The following AK8 variants were observed in gnomAD, a reference collection of about 807,000 sequenced individuals.
The protein encoded by AK8 is ATP-AMP transphosphorylase 8.
In AK8, 44 loss-of-function variants were observed where a neutral mutation model predicts 54.6. The observed-to-expected ratio is 0.81, with a 90% confidence interval of 0.63 to 1.04. AK8 has a LOEUF of 1.04. Ranked by LOEUF, AK8 falls within the 50% of genes least tolerant of loss-of-function variation. AK8 has a pLI of 0.00. For missense variants in AK8, 555 were observed against 613.6 expected, an observed-to-expected ratio of 0.90 and a Z score of 1.01; for synonymous variants, 239 against 245.6, an observed-to-expected ratio of 0.97 and a Z score of 0.25.
At chr9:132,796,770 TACACACACACACACACACACACACACAC>T (rs10590924) in intron 10 of AK8, among the ~76,000 whole-genome samples, 1 of 142,414 alleles carries the variant, frequency 7.0e-6, no homozygotes, top group South Asian at 2.3e-4. Flanking sequence ...ACATACATGC[TACACACACACACACACACACACACACAC>T]ACACACACAC....
intron 10 of AK8, among the ~76,000 whole-genome samples, chr9:132,804,795 C>G (rs1840639763): frequency 6.6e-6 from 1 of 152,150 alleles, no homozygotes; most frequent in African/African-American, 2.4e-5. Flanking sequence ...GAGCCAGCTT[C>G]TGGTTGACAA....
At position 132,861,189 on chromosome 9, in the gene AK8, T is replaced by C. The variant is rs528570237; in HGVS notation, c.333+2476A>G. Among the ~76,000 whole-genome samples the C allele has an allele frequency of 9.3e-4, 142 of 152,356 alleles. 1 individual carries two copies. The highest frequency in any genetic ancestry group is 3.3e-3 in the African/African-American group (138 of 41,584). ...ACCATCCCCGTGGGCTTTGTGACAC[T>C]GCCCGATTCCAGACCGTTCCATGCC... is the stretch of plus-strand genomic sequence containing the variant. On this transcript the variant is annotated intron_variant, in intron 4 of 12. Transcript: ENST00000298545.
chr9:132,743,350 G>C (rs1837486019), intron 11 of AK8, among the ~76,000 whole-genome samples: 2 of 152,212 alleles, frequency 1.3e-5, no homozygotes, highest in Admixed American at 6.5e-5. Context: ...ACTGGTCACT[G>C]GAAACAGGGC....
chr9:132,812,280 C>A (rs888480466), intron 10 of AK8, among the ~76,000 whole-genome samples: 2 of 139,786 alleles, frequency 1.4e-5, no homozygotes, highest in Non-Finnish European at 3.0e-5. Flanking sequence ...GTCACCCAGG[C>A]AAGAGTGTGG....
intron 11 of AK8, among the ~76,000 whole-genome samples, chr9:132,788,772 T>C (rs1011844161): frequency 6.6e-6 from 1 of 152,128 alleles, no homozygotes; most frequent in Non-Finnish European, 1.5e-5. Flanking sequence ...AAAAAACAGT[T>C]ACTGCCTGAG....
intron 11 of AK8, among the ~76,000 whole-genome samples, chr9:132,743,898 C>T (rs1342282564): frequency 1.3e-5 from 2 of 152,202 alleles, no homozygotes; most frequent in African/African-American, 2.4e-5. Flanking sequence ...TAGGACACTC[C>T]GTTGCTGCTC....
Position 132,732,697 on chromosome 9 carries a change from G to A in AK8, c.1122-5163C>T, listed in dbSNP as rs146102093. 3.3e-3 allele frequency among the ~76,000 whole-genome samples: 507 copies of A among 152,244 alleles called. 5 individuals carry two copies. The Middle Eastern group carries it at 0.041, about 12-fold the overall frequency. On this transcript the variant is annotated intron_variant, in intron 11 of 12. Coordinates refer to ENST00000298545, the MANE Select transcript of AK8 (RefSeq NM_152572.3). ...TAACTGAGAATGAAGTTCACGCCAC[G>A]AGAGCAGAAAGATGGTGAGAGACAT...
chr9:132,737,707 AGAAGG>A (rs1349543770), intron 11 of AK8, among the ~76,000 whole-genome samples: 2 of 152,250 alleles, frequency 1.3e-5, no homozygotes, highest in African/African-American at 4.8e-5. Flanking sequence ...AACTAGAAAT[AGAAGG>A]GAAAGTCCTC....
chr9:132,841,006 T>C (rs1020971417), intron 5 of AK8, among the ~76,000 whole-genome samples: 1 of 152,156 alleles, frequency 6.6e-6, no homozygotes, highest in East Asian at 1.9e-4. Context: ...TCATCCAGCA[T>C]GTAAAAAGCA....
intron 9 of AK8, among the ~76,000 whole-genome samples, chr9:132,821,242 A>T (rs1308415718): frequency 2.7e-5 from 4 of 150,406 alleles, no homozygotes; most frequent in Admixed American, 2.7e-4. Context: ...GTGTTTTCAG[A>T]CTCTCCCTCC....
intron 9 of AK8, among the ~76,000 whole-genome samples, chr9:132,822,671 C>G (rs923649092): frequency 6.6e-6 from 1 of 152,048 alleles, no homozygotes; most frequent in Non-Finnish European, 1.5e-5. Context: ...CCGGGAAAGA[C>G]CTGGAGAGCT....
chr9:132,786,034 G>A (rs1184873053), intron 11 of AK8, among the ~76,000 whole-genome samples: 1 of 152,188 alleles, frequency 6.6e-6, no homozygotes, highest in African/African-American at 2.4e-5. Flanking sequence ...CAAAGGTTTC[G>A]ATGCTGGAAA....
At chr9:132,788,091 T>C (rs1193948791) in intron 11 of AK8, among the ~76,000 whole-genome samples, 1 of 151,168 alleles carries the variant, frequency 6.6e-6, no homozygotes, top group African/African-American at 2.4e-5. Flanking sequence ...TTGTGGGAAA[T>C]TGTTCTGAAA....
rs184476196 is a variant in AK8 at position 132,725,730 on chromosome 9, G to A, written c.1398C>T (p.Ile466=). 8.2e-5 allele frequency: 130 copies of A among 1,587,156 alleles called. No individual in the cohort carries two copies. The East Asian group carries it at 2.7e-3, about 33-fold the overall frequency. ...GCAGGGGATTAATGATCCCACTCTC[G>A]ATGTATTCGAAGACTGTGTATGGGT... The part of the protein sequence containing the change: ...DQDPYTVFEY[I]ESGIINPLPK... Residue 466 remains isoleucine, a synonymous_variant, in exon 13 of 13, where the codon ATC becomes ATT. Coordinates refer to ENST00000298545, the MANE Select transcript of AK8 (RefSeq NM_152572.3).
In AK8 at chr9:132,803,832, C is replaced by A. The variant is rs1840582549; in HGVS notation, c.979+10806G>T. Among the ~76,000 whole-genome samples, 1 of 152,110 alleles carries A rather than the reference C, an allele frequency of 6.6e-6. No individual in the cohort carries two copies. The highest frequency in any genetic ancestry group is 1.5e-5 in the Non-Finnish European group (1 of 68,032). ...GTTCCTTCAAGACTAATTCTCTGGG[C>A]CGGGCATGGTGGTTCACGCCTGTAA... On this transcript the variant is annotated intron_variant, in intron 10 of 12. Transcript: ENST00000298545. The surrounding 1 kb of genome is among the most constrained non-coding windows in gnomAD (Gnocchi z 4.4).
At chr9:132,780,492 C>T (rs182484068) in intron 11 of AK8, among the ~76,000 whole-genome samples, 42 of 152,306 alleles carry the variant, frequency 2.8e-4, no homozygotes, top group Admixed American at 2.0e-3. Flanking sequence ...CCAGCACCAA[C>T]GGGGAGCCAT....
chr9:132,775,463 C>T (rs1480194457), intron 11 of AK8, among the ~76,000 whole-genome samples: 4 of 151,996 alleles, frequency 2.6e-5, no homozygotes, highest in South Asian at 2.1e-4. Flanking sequence ...CCACCATGCC[C>T]GGCTAATTTT....
chr9:132,806,750 C>T (rs1840743306), intron 10 of AK8, among the ~76,000 whole-genome samples: 1 of 152,232 alleles, frequency 6.6e-6, no homozygotes, highest in Non-Finnish European at 1.5e-5. Flanking sequence ...CTGATCCACA[C>T]CTCCTGGGAT....
intron 11 of AK8, among the ~76,000 whole-genome samples, chr9:132,743,985 G>A (rs376003092): frequency 6.6e-6 from 1 of 152,304 alleles, no homozygotes. Context: ...CTCCAGTGAG[G>A]ATCAGGAGAG....
Sources: allele counts gnomAD v4.1 joint callset (sites outside exome capture counted in the v4.1 genomes callset), GRCh38; gene constraint gnomAD v4.1.1; non-coding constraint Gnocchi (gnomAD v3.1); transcripts MANE v1.5; gene names NCBI Gene and HGNC (gene_info 2026-07-23, HGNC 2026-07-21).